Variants in SERGEF observed in about 807,000 individuals in gnomAD.
SERGEF encodes secretion-regulating guanine nucleotide exchange factor.
A neutral mutation model predicts 50.0 loss-of-function variants in SERGEF; 51 were observed. The observed-to-expected ratio is 1.02, with a 90% CI of 0.81 to 1.29. The LOEUF (loss-of-function observed/expected upper bound fraction) is 1.29, where lower values mean the gene tolerates loss of function less well. Among genes scored for constraint, SERGEF ranks in the 50% most tolerant of loss-of-function variants. The pLI, the probability that SERGEF is intolerant of heterozygous loss-of-function variation, is 0.00. For missense variants in SERGEF, 521 were observed against 557.0 expected (o/e 0.94, Z 0.65); for synonymous variants, 205 against 212.4 (o/e 0.97, Z 0.30).
chr11:17,939,123 A>C (rs1852512168), intron 9 of SERGEF, among the ~76,000 whole-genome samples: 1 of 152,250 alleles, frequency 6.6e-6, no homozygotes, highest in East Asian at 1.9e-4. Context: ...CTACCATTCC[A>C]CATTTTCATA....
At position 17,851,833 on chromosome 11, in the gene SERGEF, G is replaced by A. The variant is rs142968583; in HGVS notation, c.1048+26375C>T. Among the ~76,000 whole-genome samples, 49 of 152,314 alleles carry A rather than the reference G, an allele frequency of 3.2e-4. No homozygotes were observed. In the East Asian group the frequency reaches 6.7e-3, roughly 21 times the overall value. On this transcript the variant is annotated intron_variant, in intron 10 of 10. Coordinates refer to ENST00000265965, the MANE Select transcript of SERGEF (RefSeq NM_012139.4). Reference sequence around the variant, plus strand: ...GATATGACTGAAATGGCAGGAGTACGTGCCTTCAGAGAAGCTGGACAACCC... The same window carrying A: ...GATATGACTGAAATGGCAGGAGTACATGCCTTCAGAGAAGCTGGACAACCC...
chr11:17,798,221 T>C (rs1208319450), intron 10 of SERGEF, among the ~76,000 whole-genome samples: 1 of 152,104 alleles, frequency 6.6e-6, no homozygotes, highest in Non-Finnish European at 1.5e-5. Context: ...GGTTGCCCAG[T>C]TCTCTCTGTC....
intron 9 of SERGEF, among the ~76,000 whole-genome samples, chr11:17,946,099 C>T (rs1217420650): frequency 6.6e-6 from 1 of 152,210 alleles, no homozygotes; most frequent in Non-Finnish European, 1.5e-5. Context: ...ACCCTTGGAA[C>T]TGCTTCTCAT....
At chr11:17,804,528 T>G (rs1849724505) in intron 10 of SERGEF, among the ~76,000 whole-genome samples, 1 of 151,504 alleles carries the variant, frequency 6.6e-6, no homozygotes, top group Non-Finnish European at 1.5e-5. Context: ...GGTGCCTTCC[T>G]TCTTTACGCC....
chr11:17,941,332 T>A (rs1227121830), intron 9 of SERGEF, among the ~76,000 whole-genome samples: 1 of 152,180 alleles, frequency 6.6e-6, no homozygotes, highest in East Asian at 1.9e-4. Context: ...TCTCCAGAAC[T>A]CTTTTCATCT....
At chr11:17,821,698 ATAGAT>A (rs1850087936) in intron 10 of SERGEF, among the ~76,000 whole-genome samples, 1 of 152,192 alleles carries the variant, frequency 6.6e-6, no homozygotes, top group Non-Finnish European at 1.5e-5. Context: ...TCCTTATCAC[ATAGAT>A]TAATCTCTCT....
At chr11:17,864,792 CCTT>C (rs1219168926) in intron 10 of SERGEF, among the ~76,000 whole-genome samples, 1 of 152,218 alleles carries the variant, frequency 6.6e-6, no homozygotes, top group Non-Finnish European at 1.5e-5. Flanking sequence ...GGCACCATCT[CCTT>C]CTGAATAGCA....
chr11:17,998,216 A>T (rs1853876854), intron 5 of SERGEF, among the ~76,000 whole-genome samples: 1 of 151,822 alleles, frequency 6.6e-6, no homozygotes, highest in African/African-American at 2.4e-5. Flanking sequence ...GTTCAAGACA[A>T]GCCTGGGCAA....
chr11:17,895,570 C>A (rs1440696857), intron 9 of SERGEF, among the ~76,000 whole-genome samples: 1 of 152,184 alleles, frequency 6.6e-6, no homozygotes, highest in Non-Finnish European at 1.5e-5. Context: ...GATCTACTGA[C>A]ATGACTGCAA....
chr11:18,002,612 T>C (rs1337569903), intron 4 of SERGEF, among the ~76,000 whole-genome samples: 1 of 152,208 alleles, frequency 6.6e-6, no homozygotes, highest in Non-Finnish European at 1.5e-5. Flanking sequence ...TTAAGCCTCT[T>C]CTCACCCCAC....
At chr11:17,949,114 C>T (rs950886101) in intron 9 of SERGEF, among the ~76,000 whole-genome samples, 10 of 152,066 alleles carry the variant, frequency 6.6e-5, no homozygotes, top group African/African-American at 2.2e-4. Context: ...AGGCTGCATC[C>T]CAAGGGAATG....
intron 8 of SERGEF, among the ~76,000 whole-genome samples, chr11:17,972,064 T>A (rs1010933577): frequency 6.6e-6 from 1 of 152,232 alleles, no homozygotes; most frequent in African/African-American, 2.4e-5. Flanking sequence ...AATCTCATGA[T>A]CAAACTTGTA....
intron 9 of SERGEF, among the ~76,000 whole-genome samples, chr11:17,927,909 G>C (rs533644247): frequency 1.3e-5 from 2 of 152,346 alleles, no homozygotes; most frequent in Admixed American, 1.3e-4. Flanking sequence ...AGAAGAAAGA[G>C]TCTGTCACAG....
At chr11:17,858,877 C>T (rs1850871993) in intron 10 of SERGEF, among the ~76,000 whole-genome samples, 1 of 152,032 alleles carries the variant, frequency 6.6e-6, no homozygotes, top group Admixed American at 6.6e-5. Flanking sequence ...AGAGGGACAC[C>T]AGACTGGAAT....
chr11:17,964,678 T>C (rs1853081250), intron 8 of SERGEF, among the ~76,000 whole-genome samples: 1 of 152,200 alleles, frequency 6.6e-6, no homozygotes, highest in Non-Finnish European at 1.5e-5. Context: ...CAAGGTCTTC[T>C]AGAATATACT....
chr11:17,912,068 A>G (rs1342584971), intron 9 of SERGEF, among the ~76,000 whole-genome samples: 1 of 152,224 alleles, frequency 6.6e-6, no homozygotes, highest in Admixed American at 6.5e-5. Context: ...TAAAGATAAA[A>G]GTAAGACCCT....
intron 9 of SERGEF, among the ~76,000 whole-genome samples, chr11:17,892,752 G>T (rs1223217435): frequency 1.3e-5 from 2 of 152,200 alleles, no homozygotes; most frequent in Non-Finnish European, 2.9e-5. Context: ...GAACAGACGG[G>T]TTTACTACTT....
intron 8 of SERGEF, among the ~76,000 whole-genome samples, chr11:17,982,079 A>T (rs558235271): frequency 4.6e-5 from 7 of 152,302 alleles, no homozygotes; most frequent in Non-Finnish European, 8.8e-5. Context: ...TGTTGGAATT[A>T]CAGACGTGAG....
At chr11:17,826,554 T>C (rs1017629159) in intron 10 of SERGEF, among the ~76,000 whole-genome samples, 2 of 152,170 alleles carry the variant, frequency 1.3e-5, no homozygotes, top group Non-Finnish European at 2.9e-5. Context: ...TACTGTTTAA[T>C]AGGTACAACA....
Sources: allele counts gnomAD v4.1 joint callset (sites outside exome capture counted in the v4.1 genomes callset), GRCh38; gene constraint gnomAD v4.1.1; transcripts MANE v1.5; gene names NCBI Gene and HGNC (gene_info 2026-07-23, HGNC 2026-07-21).